PID1: variants seen among roughly 807,000 people sequenced by gnomAD.
The protein encoded by PID1 is phosphotyrosine interaction domain containing 1, also known as PTB-containing, cubilin and LRP1-interacting protein.
PID1 carries 10 observed loss-of-function variants against 19.1 expected under a neutral mutation model. That is an observed-to-expected ratio of 0.52 (90% confidence interval 0.32 to 0.89). PID1 has a LOEUF of 0.89. Among genes scored for constraint, PID1 ranks in the 40% least tolerant of loss-of-function variants. PID1 has a pLI of 0.03. For synonymous variants in PID1, 130 were observed against 116.0 expected (o/e 1.12, Z -0.78); for missense variants, 248 against 285.3 (o/e 0.87, Z 0.94).
intron 2 of PID1, among the ~76,000 whole-genome samples, chr2:229,150,391 C>T (rs1185113440): frequency 6.6e-6 from 1 of 152,162 alleles, no homozygotes. Flanking sequence ...TGACCTCAGA[C>T]GCTGACCCCA....
chr2:229,242,899 C>T (rs1291401108), intron 1 of PID1, among the ~76,000 whole-genome samples: 1 of 152,102 alleles, frequency 6.6e-6, no homozygotes, highest in Non-Finnish European at 1.5e-5. Context: ...GATGTGCTCA[C>T]TCTTGTCTGG....
chr2:229,180,540 T>A lies in PID1; in HGVS notation c.31-24576A>T, dbSNP rs367798028. The stretch of plus-strand genomic sequence containing the variant: ...GCATCATCTGAGAACTTACTGGAAA[T>A]GGAGGTTTCCATGATCCACCACAGA... On this transcript the variant is annotated intron_variant, in intron 1 of 2. Coordinates refer to ENST00000392055, the MANE Select transcript of PID1 (RefSeq NM_001100818.2). Among the ~76,000 whole-genome samples the A allele has an allele frequency of 2.2e-4, 33 of 152,294 alleles. No homozygotes were observed. In the South Asian group the frequency reaches 5.6e-3, roughly 26 times the overall value.
intron 1 of PID1, among the ~76,000 whole-genome samples, chr2:229,199,096 C>T (rs1416131046): frequency 1.3e-5 from 2 of 151,976 alleles, no homozygotes; most frequent in African/African-American, 4.8e-5. Flanking sequence ...TGTTCCCAAA[C>T]TGACACCCTT....
intron 1 of PID1, among the ~76,000 whole-genome samples, chr2:229,202,398 T>A (rs1691517045): frequency 6.6e-6 from 1 of 152,108 alleles, no homozygotes; most frequent in Non-Finnish European, 1.5e-5. Flanking sequence ...AACATCATTA[T>A]TTTATTTATA....
chr2:229,046,319 T>C (rs759128101), intron 2 of PID1, among the ~76,000 whole-genome samples: 1 of 151,208 alleles, frequency 6.6e-6, no homozygotes, highest in African/African-American at 2.4e-5. Context: ...TGGTAAATGC[T>C]GAAACTTCAG....
At chr2:229,110,223 C>T (rs2106147388) in intron 2 of PID1, among the ~76,000 whole-genome samples, 1 of 152,280 alleles carries the variant, frequency 6.6e-6, no homozygotes, top group South Asian at 2.1e-4. Context: ...CATGGATGTC[C>T]AAGCGCCTTC....
chr2:229,260,147 G>A (rs1182735589), intron 1 of PID1, among the ~76,000 whole-genome samples: 1 of 152,058 alleles, frequency 6.6e-6, no homozygotes. Context: ...CTCATTGACA[G>A]CTGCTGAAAT....
rs555228236 is a variant in PID1 at position 229,089,678 on chromosome 2, G to A, written c.178-63570C>T. Among the ~76,000 whole-genome samples, 42 of 152,228 alleles carry A rather than the reference G, an allele frequency of 2.8e-4. No individual in the cohort carries two copies. The South Asian group carries it at 8.1e-3, about 29-fold the overall frequency. On this transcript the variant is annotated intron_variant, in intron 2 of 2. Transcript: ENST00000392055. ...TGGAATACATAATTAATTACCACAT[G>A]ATACACTTAATACTGGAATACTAAA...
chr2:229,125,863 A>G (rs993996213), intron 2 of PID1, among the ~76,000 whole-genome samples: 2 of 152,168 alleles, frequency 1.3e-5, no homozygotes, highest in Admixed American at 1.3e-4. Flanking sequence ...GGCTTTCTCC[A>G]TTGAAGAAAA....
intron 2 of PID1, among the ~76,000 whole-genome samples, chr2:229,092,394 C>G (rs150285343): frequency 6.8e-4 from 103 of 152,232 alleles, no homozygotes; most frequent in African/African-American, 2.4e-3. Flanking sequence ...AACTAACTAC[C>G]CAATCCTTGT....
intron 2 of PID1, among the ~76,000 whole-genome samples, chr2:229,113,303 A>C (rs371752546): frequency 6.6e-6 from 1 of 151,360 alleles, no homozygotes; most frequent in African/African-American, 2.4e-5. Flanking sequence ...ATACTCCTTA[A>C]CTTGTATGTA....
intron 2 of PID1, among the ~76,000 whole-genome samples, chr2:229,109,490 A>T (rs1695250481): frequency 6.6e-6 from 1 of 152,124 alleles, no homozygotes; most frequent in African/African-American, 2.4e-5. Context: ...AAACTGCATG[A>T]TTACCTCCCA....
intron 2 of PID1, among the ~76,000 whole-genome samples, chr2:229,088,249 G>A (rs536141238): frequency 4.3e-4 from 66 of 152,214 alleles, no homozygotes; most frequent in Non-Finnish European, 7.6e-4. Flanking sequence ...TTTGGGTTTC[G>A]GTTTTGCCCT....
At chr2:229,124,615 A>G (rs1332682233) in intron 2 of PID1, among the ~76,000 whole-genome samples, 3 of 152,186 alleles carry the variant, frequency 2.0e-5, no homozygotes, top group African/African-American at 7.2e-5. Flanking sequence ...AATGGGATTC[A>G]GTAACAATGT....
chr2:229,205,557 C>T (rs1375771526), intron 1 of PID1, among the ~76,000 whole-genome samples: 2 of 150,332 alleles, frequency 1.3e-5, no homozygotes, highest in Non-Finnish European at 2.9e-5. Flanking sequence ...CCACCTTTTA[C>T]ACACACACAC....
chr2:229,205,262 T>C (rs12463973), intron 1 of PID1, among the ~76,000 whole-genome samples: 80,068 of 151,670 alleles, frequency 0.53, 21,862 homozygotes, highest in East Asian at 0.73. Flanking sequence ...ACATACTACA[T>C]ACACACACAA....
intron 1 of PID1, chr2:229,262,765 G>T: frequency 6.4e-7 from 1 of 1,551,530 alleles, no homozygotes; most frequent in South Asian, 1.2e-5. Context: ...ACATGTCCTC[G>T]ACTCTTCTAA....
chr2:229,198,961 T>C (rs1210700303), intron 1 of PID1, among the ~76,000 whole-genome samples: 2 of 152,070 alleles, frequency 1.3e-5, no homozygotes, highest in Non-Finnish European at 2.9e-5. Flanking sequence ...CAGCTTCCCA[T>C]CACTCATGGG....
At chr2:229,200,455 GC>G (rs1265867311) in intron 1 of PID1, among the ~76,000 whole-genome samples, 2 of 151,966 alleles carry the variant, frequency 1.3e-5, no homozygotes, top group Non-Finnish European at 2.9e-5. Context: ...ACCCTCCTCT[GC>G]CTGTTGAGTT....
Sources: allele counts gnomAD v4.1 joint callset (sites outside exome capture counted in the v4.1 genomes callset), GRCh38; gene constraint gnomAD v4.1.1; transcripts MANE v1.5; gene names NCBI Gene and HGNC (gene_info 2026-07-23, HGNC 2026-07-21).